Variants in LRBA observed in about 807,000 individuals in gnomAD.
The protein encoded by LRBA is lipopolysaccharide-responsive and beige-like anchor protein.
A neutral mutation model predicts 330.0 loss-of-function variants in LRBA; 176 were observed. That is an observed-to-expected ratio of 0.53 (90% confidence interval 0.47 to 0.60). The LOEUF is 0.60. LRBA is among the 20% of genes least tolerant of loss of function. LRBA has a pLI of 0.00. For missense variants in LRBA, 3,259 were observed against 3,444.8 expected, an observed-to-expected ratio of 0.95 and a Z score of 1.35; for synonymous variants, 1,230 against 1,193.0, an observed-to-expected ratio of 1.03 and a Z score of -0.64.
At chr4:150,835,082 T>C (rs1474075277) in intron 28 of LRBA, among the ~76,000 whole-genome samples, 1 of 152,204 alleles carries the variant, frequency 6.6e-6, no homozygotes, top group South Asian at 2.1e-4. Flanking sequence ...CATTTCTTGT[T>C]TTTGTCAGGT....
chr4:150,887,004 A>T (rs1729007048), intron 17 of LRBA, among the ~76,000 whole-genome samples: 1 of 152,236 alleles, frequency 6.6e-6, no homozygotes, highest in African/African-American at 2.4e-5. Flanking sequence ...AAAAAGAAAT[A>T]ATAAATGTTT....
intron 2 of LRBA, among the ~76,000 whole-genome samples, chr4:150,939,500 A>AAC (rs1485850186): frequency 6.6e-6 from 1 of 152,212 alleles, no homozygotes; most frequent in Non-Finnish European, 1.5e-5. Flanking sequence ...CAACCATGCC[A>AAC]ACACACTTAT....
intron 40 of LRBA, among the ~76,000 whole-genome samples, chr4:150,534,253 T>C (rs1015663582): frequency 6.6e-6 from 1 of 150,806 alleles, no homozygotes; most frequent in African/African-American, 2.4e-5. Flanking sequence ...ACCAAATGTA[T>C]ACATTATTGT....
chr4:150,928,697 G>A (rs1456344609), intron 3 of LRBA, 81 bp from the exon 4 acceptor site: 1 of 1,293,570 alleles, frequency 7.7e-7, no homozygotes, highest in East Asian at 2.4e-5. Context: ...TTATTTAAGG[G>A]CTTGGACACT....
intron 47 of LRBA, among the ~76,000 whole-genome samples, chr4:150,390,859 A>G (rs1342621949): frequency 6.6e-6 from 1 of 152,178 alleles, no homozygotes; most frequent in South Asian, 2.1e-4. Context: ...CTCAAGCTGA[A>G]ATCAGAAATT....
At chr4:150,770,569 TTATATA>T (rs560905379) in intron 34 of LRBA, among the ~76,000 whole-genome samples, 2 of 91,382 alleles carry the variant, frequency 2.2e-5, no homozygotes, top group African/African-American at 8.2e-5. Flanking sequence ...AACAAAGATT[TTATATA>T]TATATATATA....
At position 150,828,289 on chromosome 4, in the gene LRBA, T is replaced by A; in HGVS notation, c.5062A>T (p.Ile1688Leu). ...TCCACTGTGACTCCATCTGCTGGTA[T>A]GTTAACCAAGCTTCGGAGAATGTCT... ...VKDILRSLVN[I>L]PADGVTVDPA... is the part of the protein sequence containing the mutation. The change falls in exon 30 of 57, where the codon ATA becomes TTA. Residue 1688 changes from isoleucine to leucine, a missense_variant. Transcript: ENST00000651943. 6.2e-7 allele frequency: 1 copy of A among 1,614,190 alleles called. No individual in the cohort carries two copies. Among genetic ancestry groups the A allele is most frequent in the South Asian group, 1.1e-5 (1 of 91,086 alleles).
chr4:150,379,956 A>G, intron 47 of LRBA, among the ~76,000 whole-genome samples: 1 of 149,064 alleles, frequency 6.7e-6, no homozygotes, highest in Admixed American at 6.8e-5. Context: ...TGAGGTCAGG[A>G]GTTCAAGACC....
chr4:150,640,594 G>A (rs1239337249), intron 37 of LRBA, among the ~76,000 whole-genome samples: 4 of 152,146 alleles, frequency 2.6e-5, no homozygotes, highest in Non-Finnish European at 5.9e-5. Context: ...TTAAATTTCA[G>A]AGGGTGAAGA....
chr4:150,414,716 C>A (rs1253722456), intron 47 of LRBA, among the ~76,000 whole-genome samples: 1 of 152,168 alleles, frequency 6.6e-6, no homozygotes, highest in Non-Finnish European at 1.5e-5. Flanking sequence ...GTCTCGAACT[C>A]CTGACCTCAG....
chr4:150,454,519 T>A (rs1466206874), intron 44 of LRBA, among the ~76,000 whole-genome samples: 1 of 151,986 alleles, frequency 6.6e-6, no homozygotes, highest in Non-Finnish European at 1.5e-5. Context: ...TTTACTGAGA[T>A]AGGTCACACT....
At position 150,386,404 on chromosome 4, in the gene LRBA, T is replaced by C. The variant is rs1743060753; in HGVS notation, c.7194+29034A>G. Among the ~76,000 whole-genome samples, 4 of 150,224 alleles carry C rather than the reference T, an allele frequency of 2.7e-5. No individual in the cohort carries two copies. In the South Asian group the frequency reaches 8.7e-4, roughly 33 times the overall value. On this transcript the variant is annotated intron_variant, in intron 47 of 56. Transcript: ENST00000651943. The stretch of plus-strand genomic sequence containing the variant: ...CCTCCATTAGCTATTCTTCCTGATG[T>C]TTTCCTTCCTCCCACCCCCCACCCT...
At chr4:150,837,727 G>A (rs1748365828) in intron 28 of LRBA, among the ~76,000 whole-genome samples, 1 of 152,164 alleles carries the variant, frequency 6.6e-6, no homozygotes, top group South Asian at 2.1e-4. Flanking sequence ...CACACTGATG[G>A]GTCTTGACTC....
At chr4:150,540,696 C>T (rs554569141) in intron 40 of LRBA, among the ~76,000 whole-genome samples, 1 of 152,226 alleles carries the variant, frequency 6.6e-6, no homozygotes, top group African/African-American at 2.4e-5. Flanking sequence ...GTTACTATTA[C>T]ACAACTCAGT....
intron 40 of LRBA, among the ~76,000 whole-genome samples, chr4:150,524,634 T>C (rs1212988757): frequency 6.6e-6 from 1 of 152,252 alleles, no homozygotes; most frequent in South Asian, 2.1e-4. Flanking sequence ...TGTAGGCATA[T>C]TTTTCACTGA....
At chr4:150,754,521 C>CAAAA (rs755838647) in intron 35 of LRBA, among the ~76,000 whole-genome samples, 20 of 86,020 alleles carry the variant, frequency 2.3e-4, no homozygotes, top group African/African-American at 3.1e-4. Flanking sequence ...CCTGTCTCAC[C>CAAAA]AAAAAAAAAA....
At chr4:150,651,524 C>T (rs1332476059) in intron 37 of LRBA, among the ~76,000 whole-genome samples, 2 of 152,056 alleles carry the variant, frequency 1.3e-5, no homozygotes, top group Admixed American at 6.6e-5. Flanking sequence ...GGTTTCTGTA[C>T]CAATTCCCAC....
In LRBA at chr4:150,786,969, C is replaced by T. The variant is rs111239908; in HGVS notation, c.5580+11112G>A. On this transcript the variant is annotated intron_variant, in intron 34 of 56. Transcript: ENST00000651943. ...AGATTCGGCCAGGTGTGGTGGCTGA[C>T]GCCTCTAATCCCAGCACTTTGGGAG... Among the ~76,000 whole-genome samples the T allele has an allele frequency of 3.3e-3, 504 of 152,268 alleles. 4 individuals carry two copies. The highest frequency in any genetic ancestry group is 0.012 in the African/African-American group (492 of 41,564).
At chr4:150,943,251 G>A (rs915880974) in intron 2 of LRBA, among the ~76,000 whole-genome samples, 1 of 152,132 alleles carries the variant, frequency 6.6e-6, no homozygotes, top group Non-Finnish European at 1.5e-5. Flanking sequence ...CCAATGCATG[G>A]ACTTCCCAAA....
Sources: allele counts gnomAD v4.1 joint callset (sites outside exome capture counted in the v4.1 genomes callset), GRCh38; gene constraint gnomAD v4.1.1; transcripts MANE v1.5; gene names NCBI Gene and HGNC (gene_info 2026-07-23, HGNC 2026-07-21).